MEGF8: variants seen among roughly 807,000 people sequenced by gnomAD.
The protein encoded by MEGF8 is multiple EGF like domains 8, also known as multiple epidermal growth factor-like domains protein 8.
Under a neutral mutation model 302.9 loss-of-function variants are expected in MEGF8, and 156 were observed. That is an observed-to-expected ratio of 0.52 (90% confidence interval 0.45 to 0.59). The LOEUF (loss-of-function observed/expected upper bound fraction) is 0.59. Among genes scored for constraint, MEGF8 ranks in the 20% least tolerant of loss-of-function variants. The pLI, the probability that MEGF8 is intolerant of heterozygous loss-of-function variation, is 0.00. For missense variants in MEGF8, 3,345 were observed against 3,964.5 expected (o/e 0.84, Z 4.20); for synonymous variants, 1,621 against 1,660.5 (o/e 0.98, Z 0.58).
rs917615546 is a variant in MEGF8, at chr19:42,344,973, T to A, written c.2097+140T>A. On this transcript the variant is annotated intron_variant, in intron 12 of 41. Transcript: ENST00000251268. This position sits in a 1 kb window ranked among gnomAD's most constrained non-coding sequence, Gnocchi z 4.5. ...AGGGTCTTATTTTCCTTATGGACTT[T>A]ATTTTTTATTTTTTTTGAGAGGGAG... 1 of 957,368 alleles carries A rather than the reference T, an allele frequency of 1.0e-6. No individual in the cohort carries two copies. Among genetic ancestry groups the A allele is most frequent in the African/African-American group, 1.7e-5 (1 of 58,830 alleles). The allele number at this position is 957,368 out of a possible 1,614,324, so 59.3% of individuals were successfully genotyped here. A position where few individuals can be genotyped will look rare whatever the true frequency, so the allele number is the denominator to read the frequency against.
chr19:42,344,042 C>G lies in MEGF8; in HGVS notation c.1757C>G (p.Ala586Gly), dbSNP rs1462626963. The change falls in exon 10 of 42, where the codon GCT (alanine) becomes GGT (glycine). Residue 586 changes from alanine to glycine, a missense_variant. By Grantham distance (60) the Ala-to-Gly change is moderately conservative. Coordinates refer to ENST00000251268, the MANE Select transcript of MEGF8 (RefSeq NM_001271938.2). This position sits in a 1 kb window ranked among gnomAD's most constrained non-coding sequence, Gnocchi z 4.5. ...ECSWCQGACQ[A>G]APPPGTPLGA... The stretch of plus-strand genomic sequence containing the variant: ...AGTTGGTGCCAAGGAGCCTGCCAAG[C>G]TGCACCCCCTCCTGGGACCCCCTTG... The G allele has an allele frequency of 6.2e-7, 1 of 1,613,734 alleles. No homozygotes were observed. The highest frequency in any genetic ancestry group is 8.5e-7 in the Non-Finnish European group (1 of 1,179,756).
rs558484910 is a variant in MEGF8 at position 42,356,727 on chromosome 19, T to C, written c.4623-47T>C. On this transcript the variant is annotated intron_variant, in intron 26 of 41. Transcript: ENST00000251268. The surrounding 1 kb of genome is among the most constrained non-coding windows in gnomAD (Gnocchi z 5.2). ...TGTCAGGCAGGGTCACCTTGAAGGA[T>C]GCTGGGATGACTGTAATGAGGCTGC... 13 of 1,507,288 alleles carry C rather than the reference T, an allele frequency of 8.6e-6. No homozygotes were observed. The Admixed American group carries it at 2.2e-4, about 26-fold the overall frequency. 93.4% of individuals were successfully genotyped at this position (1,507,288 alleles called of 1,614,324 possible). A position where few individuals can be genotyped will look rare whatever the true frequency, so the allele number is the denominator to read the frequency against.
In MEGF8 at chr19:42,357,725, C is replaced by G. The variant is rs564164116; in HGVS notation, c.5011+141C>G. On this transcript the variant is annotated intron_variant, in intron 28 of 41. Transcript: ENST00000251268. The surrounding 1 kb of genome is among the most constrained non-coding windows in gnomAD (Gnocchi z 5.2). The stretch of plus-strand genomic sequence containing the variant: ...ATCCCCATGCAGATTCTCAGGGCAC[C>G]CTCTTGAATGTTCAGATTTTCTGAC... 6.3e-6 allele frequency: 5 copies of G among 797,760 alleles called. No homozygotes were observed. The African/African-American group carries it at 8.7e-5, about 14-fold the overall frequency. The allele number at this position is 797,760 out of a possible 1,614,324, so 49.4% of individuals were successfully genotyped here. A position where few individuals can be genotyped will look rare whatever the true frequency, so the allele number is the denominator to read the frequency against.
Position 42,376,387 on chromosome 19 carries a change from C to T in MEGF8, c.8150C>T (p.Pro2717Leu), listed in dbSNP as rs778790173. Residue 2717 changes from proline to leucine, a missense_variant, in exon 42 of 42, where the codon CCG becomes CTG. Physicochemically the swap from Pro to Leu is moderately conservative, Grantham distance 98. Coordinates refer to ENST00000251268, the MANE Select transcript of MEGF8 (RefSeq NM_001271938.2). This position sits in a 1 kb window ranked among gnomAD's most constrained non-coding sequence, Gnocchi z 8.2. Reference sequence around the variant, plus strand: ...ACTGCCCCGGCCTCCGCCTGGAAGCCGGCTGGGCTCCCACCTCCCGCCTTC... The same window carrying T: ...ACTGCCCCGGCCTCCGCCTGGAAGCTGGCTGGGCTCCCACCTCCCGCCTTC... The part of the protein sequence containing the change: ...DPTAPASAWK[P>L]AGLPPPAFRR... The T allele has an allele frequency of 1.2e-5, 19 of 1,612,960 alleles. No homozygotes were observed. The highest frequency in any genetic ancestry group is 7.7e-5 in the South Asian group (7 of 91,078).
rs760114120 is a variant in MEGF8 at position 42,356,148 on chromosome 19, C to T, written c.4458C>T (p.Gly1486=). 3.1e-5 allele frequency: 49 copies of T among 1,569,712 alleles called. No homozygotes were observed. The highest frequency in any genetic ancestry group is 6.7e-5 in the African/African-American group (5 of 74,300). ...GGPDCATKLD[G]GQLVWETLMD... ...CCGACTGCGCCACCAAGCTGGATGG[C>T]GGGCAGCTGGTCTGGGAGACCCTCA... Residue 1486 remains glycine, a synonymous_variant, in exon 25 of 42, where the codon GGC becomes GGT. Coordinates refer to ENST00000251268, the MANE Select transcript of MEGF8 (RefSeq NM_001271938.2). This position sits in a 1 kb window ranked among gnomAD's most constrained non-coding sequence, Gnocchi z 5.2.
rs1471473373 is a variant in MEGF8, at chr19:42,344,583, C to A, written c.1931C>A (p.Pro644His). The A allele has an allele frequency of 6.3e-7, 1 of 1,591,720 alleles. No individual in the cohort carries two copies. The highest frequency in any genetic ancestry group is 8.5e-7 in the Non-Finnish European group (1 of 1,170,372). Reference sequence around the variant, plus strand: ...CACAATGAGAGCTGCCTCCCTAGGCCTGGTGAGTGTCCGCAGCAGTGGGCC... The same window carrying A: ...CACAATGAGAGCTGCCTCCCTAGGCATGGTGAGTGTCCGCAGCAGTGGGCC... ...CVHNESCLPRPEQARCRGEQI... is the reference protein window; with the variant it reads ...CVHNESCLPRHEQARCRGEQI... The change falls in exon 11 of 42, where the codon CCT becomes CAT. Residue 644 changes from proline (P) to histidine (H), a missense_variant and splice_region_variant. Transcript: ENST00000251268. This position sits in a 1 kb window ranked among gnomAD's most constrained non-coding sequence, Gnocchi z 4.5.
chr19:42,362,306 G>A lies in MEGF8; in HGVS notation c.5845-78G>A, dbSNP rs1232116295. On this transcript the variant is annotated intron_variant, in intron 33 of 41. Coordinates refer to ENST00000251268, the MANE Select transcript of MEGF8 (RefSeq NM_001271938.2). Reference sequence around the variant, plus strand: ...TGGTCAGCTGTCCCACCCACCCCAGGGTCTCAGGAACCACCGAGTTCTCAG... The same window carrying A: ...TGGTCAGCTGTCCCACCCACCCCAGAGTCTCAGGAACCACCGAGTTCTCAG... 4.3e-6 allele frequency: 7 copies of A among 1,609,864 alleles called. No homozygotes were observed. The African/African-American group carries it at 6.7e-5, about 15-fold the overall frequency.
In MEGF8 at chr19:42,371,407, A is replaced by C. The variant is rs751456440; in HGVS notation, c.7194A>C (p.Pro2398=). 6.2e-7 allele frequency: 1 copy of C among 1,613,920 alleles called. No individual in the cohort carries two copies. The highest frequency in any genetic ancestry group is 1.1e-5 in the South Asian group (1 of 91,082). The stretch of plus-strand genomic sequence containing the variant: ...ACGAGCAGGATGGGACGGGCTGTCC[A>C]TGTCAGAATAACACAGAGACGGGCA... The part of the protein sequence containing the change: ...TCNEQDGTGC[P]CQNNTETGTC... The change falls in exon 41 of 42, where the codon CCA becomes CCC. Residue 2398 remains proline, a synonymous_variant. Coordinates refer to ENST00000251268, the MANE Select transcript of MEGF8 (RefSeq NM_001271938.2).
In MEGF8 at chr19:42,369,147, A is replaced by G. The variant is rs2039649427; in HGVS notation, c.6641+145A>G. The G allele has an allele frequency of 8.7e-7, 1 of 1,148,800 alleles. No homozygotes were observed. Among genetic ancestry groups the G allele is most frequent in the South Asian group, 1.6e-5 (1 of 62,806 alleles). The allele number at this position is 1,148,800 out of a possible 1,614,324, so 71.2% of individuals were successfully genotyped here. ...GCAGTGGGATTGATTCCTGAAGGTC[A>G]AGAGTGGTGAGGCTGAGCAGGGAAG... On this transcript the variant is annotated intron_variant, in intron 37 of 41. Transcript: ENST00000251268. The surrounding 1 kb of genome is among the most constrained non-coding windows in gnomAD (Gnocchi z 5.7).
At chr19:42,337,896 C>T (rs1044715011) in intron 8 of MEGF8, among the ~76,000 whole-genome samples, 3 of 152,086 alleles carry the variant, frequency 2.0e-5, no homozygotes, top group Non-Finnish European at 2.9e-5. Flanking sequence ...CTCCACCTCC[C>T]GGGTTCAAGC....
In MEGF8 at chr19:42,368,727, A is replaced by G; in HGVS notation, c.6481+65A>G. ...TTGGTTGGGGTCTGATACAGTGAAC[A>G]TAGGGATACTGGGCCAGACCCAGAG... On this transcript the variant is annotated intron_variant, in intron 36 of 41. Coordinates refer to ENST00000251268, the MANE Select transcript of MEGF8 (RefSeq NM_001271938.2). This position sits in a 1 kb window ranked among gnomAD's most constrained non-coding sequence, Gnocchi z 4.9. 1 of 1,544,520 alleles carries G rather than the reference A, an allele frequency of 6.5e-7. No homozygotes were observed. Among genetic ancestry groups the G allele is most frequent in the South Asian group, 1.2e-5 (1 of 80,648 alleles).
chr19:42,333,083 C>T (rs139174101), intron 1 of MEGF8, among the ~76,000 whole-genome samples: 39 of 152,282 alleles, frequency 2.6e-4, no homozygotes, highest in East Asian at 7.7e-4. Context: ...GGAACTATGC[C>T]GCTCCAAGGT....
At chr19:42,330,392 G>GTT in intron 1 of MEGF8, among the ~76,000 whole-genome samples, 1 of 152,290 alleles carries the variant, frequency 6.6e-6, no homozygotes, top group East Asian at 1.9e-4. Context: ...GCCTCCAGCA[G>GTT]GCACTTAACA....
chr19:42,364,851 T>G (rs905146203), intron 35 of MEGF8, among the ~76,000 whole-genome samples: 1 of 152,208 alleles, frequency 6.6e-6, no homozygotes, highest in Non-Finnish European at 1.5e-5. Context: ...TTGTACCAGT[T>G]AAATGGGGGA....
chr19:42,353,115 G>A lies in MEGF8; in HGVS notation c.3538G>A (p.Asp1180Asn), dbSNP rs1242769574. 6.5e-7 allele frequency: 1 copy of A among 1,546,166 alleles called. No homozygotes were observed. The highest frequency in any genetic ancestry group is 1.4e-5 in the African/African-American group (1 of 72,846). Residue 1180 changes from aspartate (D) to asparagine (N), a missense_variant, in exon 20 of 42, where the codon GAC becomes AAC. Asp to Asn is a conservative substitution (Grantham distance 23). Coordinates refer to ENST00000251268, the MANE Select transcript of MEGF8 (RefSeq NM_001271938.2). This position sits in a 1 kb window ranked among gnomAD's most constrained non-coding sequence, Gnocchi z 6.1. ...CCGCAAGCGGGGCCCTGGCTTCTGCGACGAGTGCCAGGGTAAGCAGCCCTT... is the reference window on the plus strand; with the variant it reads ...CCGCAAGCGGGGCCCTGGCTTCTGCAACGAGTGCCAGGGTAAGCAGCCCTT... ...HCRKRGPGFCDECQDWTWGEH... is the reference protein window; with the variant it reads ...HCRKRGPGFCNECQDWTWGEH...
In MEGF8 at chr19:42,336,375, C is replaced by A; in HGVS notation, c.1244+29C>A. ...AGTGACCTGTCCCATAACCCATGCT[C>A]CACAGGCCAGGCCCAGCTCAACACC... On this transcript the variant is annotated intron_variant, in intron 6 of 41. Coordinates refer to ENST00000251268, the MANE Select transcript of MEGF8 (RefSeq NM_001271938.2). The surrounding 1 kb of genome is among the most constrained non-coding windows in gnomAD (Gnocchi z 4.8). The A allele has an allele frequency of 6.4e-7, 1 of 1,556,284 alleles. No individual in the cohort carries two copies.
In MEGF8 at chr19:42,335,290, TC is replaced by T. The variant is rs1487697687; in HGVS notation, c.740-5del. On this transcript the variant is annotated splice_region_variant and splice_polypyrimidine_tract_variant and intron_variant, in intron 4 of 41. Coordinates refer to ENST00000251268, the MANE Select transcript of MEGF8 (RefSeq NM_001271938.2). Reference sequence around the variant, plus strand: ...GCCAGGGCATGAGACTATCCACCCCTCCACAGGCCAGGACCTCAACAATGCC... The same window carrying T: ...GCCAGGGCATGAGACTATCCACCCCTCACAGGCCAGGACCTCAACAATGCC... 1.2e-6 allele frequency: 2 copies of T among 1,613,958 alleles called. No homozygotes were observed. Among genetic ancestry groups the T allele is most frequent in the Non-Finnish European group, 1.7e-6 (2 of 1,179,858 alleles).
At chr19:42,348,087 G>A (rs1428216939) in intron 12 of MEGF8, among the ~76,000 whole-genome samples, 185 bp from the exon 13 acceptor site, 1 of 152,196 alleles carries the variant, frequency 6.6e-6, no homozygotes, top group Non-Finnish European at 1.5e-5. Context: ...TCTATTGTCT[G>A]AATTTAGGTC....
Position 42,353,587 on chromosome 19 carries a change from G to A in MEGF8, c.3673G>A (p.Asp1225Asn), listed in dbSNP as rs965163145. The change falls in exon 21 of 42, where the codon GAC becomes AAC. Residue 1225 changes from aspartate (D) to asparagine (N), a missense_variant. Transcript: ENST00000251268. The surrounding 1 kb of genome is among the most constrained non-coding windows in gnomAD (Gnocchi z 6.1). ...GHGDPRRGHCDNLSGLCFCQD... is the reference protein window; with the variant it reads ...GHGDPRRGHCNNLSGLCFCQD... Reference sequence around the variant, plus strand: ...CGGGGACCCACGCCGTGGCCACTGCGACAACCTCAGTGGGCTCTGCTTCTG... The same window carrying A: ...CGGGGACCCACGCCGTGGCCACTGCAACAACCTCAGTGGGCTCTGCTTCTG... 15 of 1,596,190 alleles carry A rather than the reference G, an allele frequency of 9.4e-6. No homozygotes were observed. The highest frequency in any genetic ancestry group is 4.0e-5 in the African/African-American group (3 of 74,722).
Sources: allele counts gnomAD v4.1 joint callset (sites outside exome capture counted in the v4.1 genomes callset), GRCh38; gene constraint gnomAD v4.1.1; non-coding constraint Gnocchi (gnomAD v3.1); transcripts MANE v1.5; gene names NCBI Gene and HGNC (gene_info 2026-07-23, HGNC 2026-07-21).